The following IQGAP2 variants were observed in gnomAD, a reference collection of about 807,000 sequenced individuals.
The protein encoded by IQGAP2 is ras GTPase-activating-like protein IQGAP2.
A neutral mutation model predicts 201.3 loss-of-function variants in IQGAP2; 173 were observed. The ratio of observed to expected loss-of-function variants is 0.86; its 90% CI spans 0.76 to 0.98. The LOEUF is 0.98. IQGAP2 is among the 50% of genes least tolerant of loss of function. IQGAP2 has a pLI of 0.00. For synonymous variants in IQGAP2, 675 were observed against 673.9 expected (o/e 1.00, Z -0.03); for missense variants, 1,687 against 1,864.8 (o/e 0.90, Z 1.76).
At chr5:76,660,616 T>G (rs1743164986) in intron 21 of IQGAP2, among the ~76,000 whole-genome samples, 1 of 152,254 alleles carries the variant, frequency 6.6e-6, no homozygotes, top group African/African-American at 2.4e-5. Flanking sequence ...TTATCAGATT[T>G]TTATGAATGC....
chr5:76,555,552 G>T (rs935476055), intron 2 of IQGAP2, among the ~76,000 whole-genome samples: 8 of 152,112 alleles, frequency 5.3e-5, no homozygotes, highest in Non-Finnish European at 1.2e-4. Flanking sequence ...AATTTGTATT[G>T]GTGTGGCCAG....
chr5:76,702,382 A>G, intron 34 of IQGAP2, 100 bp from the exon 35 acceptor site: 4 of 638,238 alleles, frequency 6.3e-6, no homozygotes, highest in South Asian at 6.0e-5. Flanking sequence ...TCAACAAGCC[A>G]TTATTTAAAA....
intron 13 of IQGAP2, among the ~76,000 whole-genome samples, chr5:76,621,834 C>T (rs537302614): frequency 2.0e-5 from 3 of 152,148 alleles, no homozygotes; most frequent in East Asian, 1.9e-4. Context: ...CATAATATTT[C>T]GGAAATGTTT....
chr5:76,427,835 G>C (rs1015600344), intron 1 of IQGAP2, among the ~76,000 whole-genome samples: 1 of 152,192 alleles, frequency 6.6e-6, no homozygotes, highest in Non-Finnish European at 1.5e-5. Context: ...ATGATGAAAG[G>C]CTCTGAGCGG....
intron 5 of IQGAP2, among the ~76,000 whole-genome samples, chr5:76,588,619 T>C (rs1746409880): frequency 1.3e-5 from 2 of 152,200 alleles, no homozygotes; most frequent in African/African-American, 4.8e-5. Flanking sequence ...TAGCTGTGTT[T>C]CTTGTTCTCC....
At position 76,687,908 on chromosome 5, in the gene IQGAP2, G is replaced by A. The variant is rs80329490; in HGVS notation, c.3905+3991G>A. On this transcript the variant is annotated intron_variant, in intron 30 of 35. Coordinates refer to ENST00000274364, the MANE Select transcript of IQGAP2 (RefSeq NM_006633.5). ...AAACAAAGTGCACAATAAATGTAACGCACTTGAATCATCTTCCCGAAACCA... is the reference window on the plus strand; with the variant it reads ...AAACAAAGTGCACAATAAATGTAACACACTTGAATCATCTTCCCGAAACCA... Among the ~76,000 whole-genome samples the A allele has an allele frequency of 8.1e-3, 1,235 of 152,180 alleles. 15 individuals are homozygous for A. The highest frequency in any genetic ancestry group is 0.027 in the African/African-American group (1,141 of 41,496).
intron 2 of IQGAP2, among the ~76,000 whole-genome samples, chr5:76,539,975 G>T (rs1434001665): frequency 6.6e-6 from 1 of 152,306 alleles, no homozygotes; most frequent in African/African-American, 2.4e-5. Flanking sequence ...ATTTGTGTCG[G>T]ATTTGATCAG....
intron 1 of IQGAP2, among the ~76,000 whole-genome samples, chr5:76,422,857 C>T (rs1751801955): frequency 6.6e-6 from 1 of 152,194 alleles, no homozygotes; most frequent in Admixed American, 6.5e-5. Flanking sequence ...GTTTTAAGCA[C>T]TTTGTAGGAA....
intron 2 of IQGAP2, among the ~76,000 whole-genome samples, chr5:76,513,310 G>A (rs1028653869): frequency 3.9e-5 from 6 of 152,290 alleles, no homozygotes; most frequent in African/African-American, 1.4e-4. Flanking sequence ...GAACCCTTGA[G>A]ATTTCAAAGA....
At chr5:76,552,212 C>G (rs1743605829) in intron 2 of IQGAP2, among the ~76,000 whole-genome samples, 1 of 152,190 alleles carries the variant, frequency 6.6e-6, no homozygotes. Context: ...TCTCTGTCCC[C>G]TTTAGTCCAA....
At chr5:76,626,265 C>CTT (rs1750218703) in intron 13 of IQGAP2, among the ~76,000 whole-genome samples, 3 of 57,484 alleles carry the variant, frequency 5.2e-5, no homozygotes, top group Non-Finnish European at 6.7e-5. Context: ...TTTTTTTCTT[C>CTT]TTTTCTTTTT....
chr5:76,627,194 T>TG (rs567976048), intron 13 of IQGAP2, among the ~76,000 whole-genome samples: 4 of 151,988 alleles, frequency 2.6e-5, no homozygotes, highest in Admixed American at 2.6e-4. Context: ...TGGGAGATGA[T>TG]GGGGGGCTGG....
intron 12 of IQGAP2, among the ~76,000 whole-genome samples, chr5:76,610,114 A>T (rs6877274): frequency 0.024 from 234 of 9,884 alleles, 3 homozygotes; most frequent in East Asian, 0.09. Context: ...ATATATATAT[A>T]TTTTTTTTTT....
intron 2 of IQGAP2, among the ~76,000 whole-genome samples, chr5:76,476,410 A>G (rs979639893): frequency 6.6e-6 from 1 of 152,154 alleles, no homozygotes; most frequent in African/African-American, 2.4e-5. Context: ...TTGTCCTGGG[A>G]GTCAAGGAAA....
intron 11 of IQGAP2, among the ~76,000 whole-genome samples, chr5:76,605,021 C>T (rs1016355448): frequency 1.3e-5 from 2 of 152,080 alleles, no homozygotes; most frequent in African/African-American, 4.8e-5. Flanking sequence ...ATTCAAACTG[C>T]AGAGTGACTC....
intron 2 of IQGAP2, among the ~76,000 whole-genome samples, chr5:76,508,827 C>T (rs1306396371): frequency 6.6e-6 from 1 of 151,990 alleles, no homozygotes; most frequent in African/African-American, 2.4e-5. Flanking sequence ...TGCTCAGTTC[C>T]ACAAAATGAC....
chr5:76,412,248 T>G (rs1751166861), intron 1 of IQGAP2, among the ~76,000 whole-genome samples: 1 of 152,200 alleles, frequency 6.6e-6, no homozygotes, highest in Non-Finnish European at 1.5e-5. Context: ...AAAGAAGATT[T>G]CTAATTGGTT....
chr5:76,629,547 C>A (rs1750529240), intron 14 of IQGAP2, among the ~76,000 whole-genome samples: 1 of 152,148 alleles, frequency 6.6e-6, no homozygotes, highest in Non-Finnish European at 1.5e-5. Flanking sequence ...CTACCTTTTT[C>A]TCATTATGGC....
intron 2 of IQGAP2, among the ~76,000 whole-genome samples, chr5:76,482,991 A>C (rs1755881192): frequency 6.6e-6 from 1 of 152,160 alleles, no homozygotes; most frequent in African/African-American, 2.4e-5. Context: ...GCAGCCTAAA[A>C]ATTAAGCGCT....
Sources: allele counts gnomAD v4.1 joint callset (sites outside exome capture counted in the v4.1 genomes callset), GRCh38; gene constraint gnomAD v4.1.1; transcripts MANE v1.5; gene names NCBI Gene and HGNC (gene_info 2026-07-23, HGNC 2026-07-21).